The following NTM variants were observed in gnomAD, a reference collection of about 807,000 sequenced individuals.
NTM encodes the protein IgLON family member 2.
NTM carries 13 observed loss-of-function variants against 42.1 expected under a neutral mutation model. That is an observed-to-expected ratio of 0.31 (90% CI 0.20 to 0.49). The LOEUF (loss-of-function observed/expected upper bound fraction) is 0.49. Among genes scored for constraint, NTM ranks in the 20% least tolerant of loss-of-function variants. NTM has a pLI of 0.99. For missense variants in NTM, 373 were observed against 452.8 expected (o/e 0.82, Z 1.60); for synonymous variants, 187 against 179.2 (o/e 1.04, Z -0.35).
chr11:131,942,931 G>A (rs2059957357), intron 2 of NTM, among the ~76,000 whole-genome samples: 2 of 117,548 alleles, frequency 1.7e-5, no homozygotes, highest in South Asian at 2.9e-4. Context: ...GGTCAAGAGA[G>A]TGAGACCCTG....
chr11:131,998,098 C>G (rs1456225122), intron 2 of NTM, among the ~76,000 whole-genome samples: 1 of 152,124 alleles, frequency 6.6e-6, no homozygotes, highest in African/African-American at 2.4e-5. Flanking sequence ...GACTTTAAGA[C>G]AGTGGGGCCA....
At position 131,888,339 on chromosome 11, in the gene NTM, A is replaced by G. The variant is rs945536513; in HGVS notation, c.83-23225A>G. Among the ~76,000 whole-genome samples the G allele has an allele frequency of 3.3e-5, 5 of 152,074 alleles. No individual in the cohort carries two copies. The East Asian group carries it at 9.7e-4, about 30-fold the overall frequency. On this transcript the variant is annotated intron_variant, in intron 1 of 8. Transcript: ENST00000683400. ...AAGAATGAATGAGACCATGGATACC[A>G]CCCGGCCTGTTTTGGAGAGGGCATT...
intron 2 of NTM, among the ~76,000 whole-genome samples, chr11:132,141,755 C>T (rs184410764): frequency 9.8e-5 from 15 of 152,288 alleles, no homozygotes; most frequent in East Asian, 1.9e-4. Flanking sequence ...GACTGTGGCT[C>T]GGTACTGAAA....
chr11:132,269,387 C>T (rs2093371496), intron 4 of NTM, among the ~76,000 whole-genome samples: 1 of 152,152 alleles, frequency 6.6e-6, no homozygotes, highest in Non-Finnish European at 1.5e-5. Context: ...GTCATGCTTC[C>T]TGGGCTAGAC....
In NTM at chr11:132,297,982, T is replaced by G. The variant is rs1031707862; in HGVS notation, c.527-9707T>G. 4.6e-5 allele frequency among the ~76,000 whole-genome samples: 7 copies of G among 152,330 alleles called. No homozygotes were observed. The Middle Eastern group carries it at 0.017, about 370-fold the overall frequency. On this transcript the variant is annotated intron_variant, in intron 4 of 8. Coordinates refer to ENST00000683400, the MANE Select transcript of NTM (RefSeq NM_001352005.2). Reference sequence around the variant, plus strand: ...CCTACAAAATGTATTGATGGCTAAATCATAGGCTGCCCTGCTTCCCAAGGC... The same window carrying G: ...CCTACAAAATGTATTGATGGCTAAAGCATAGGCTGCCCTGCTTCCCAAGGC...
chr11:132,184,174 C>T (rs1430501996), intron 3 of NTM, among the ~76,000 whole-genome samples: 1 of 152,178 alleles, frequency 6.6e-6, no homozygotes, highest in Non-Finnish European at 1.5e-5. Flanking sequence ...GTTCCATATG[C>T]TGTGTTTACC....
chr11:131,769,411 C>A (rs1411807401), intron 1 of NTM: 2 of 159,808 alleles, frequency 1.3e-5, no homozygotes, highest in African/African-American at 2.4e-5. Flanking sequence ...AACTCCAGTG[C>A]AAAAAGATGA....
At chr11:131,586,113 CT>C (rs141108452) in intron 1 of NTM, among the ~76,000 whole-genome samples, 6 of 151,150 alleles carry the variant, frequency 4.0e-5, no homozygotes, top group South Asian at 2.1e-4. Flanking sequence ...TTAGTTTTTC[CT>C]TTTTTTTTGG....
intron 2 of NTM, among the ~76,000 whole-genome samples, chr11:132,029,061 GGT>G (rs1027342629): frequency 1.1e-4 from 3 of 26,290 alleles, no homozygotes; most frequent in South Asian, 2.5e-3. Context: ...GGTTGGTGTG[GGT>G]TTTTTTTTTT....
intron 1 of NTM, among the ~76,000 whole-genome samples, chr11:131,756,627 G>A (rs2083377623): frequency 6.6e-6 from 1 of 152,126 alleles, no homozygotes; most frequent in South Asian, 2.1e-4. Context: ...GATCCAGGCG[G>A]TGGTGAGCTG....
At chr11:131,474,294 G>A (rs1470660161) in intron 1 of NTM, among the ~76,000 whole-genome samples, 1 of 152,078 alleles carries the variant, frequency 6.6e-6, no homozygotes, top group Non-Finnish European at 1.5e-5. Context: ...AGCTCCTGTG[G>A]CCCATTCCCC....
chr11:131,982,693 A>G (rs2065440941), intron 2 of NTM, among the ~76,000 whole-genome samples: 1 of 152,180 alleles, frequency 6.6e-6, no homozygotes, highest in Non-Finnish European at 1.5e-5. Context: ...AAAAGCAGTG[A>G]TTTAGGTTGT....
At chr11:131,789,883 G>A (rs952451012) in intron 1 of NTM, among the ~76,000 whole-genome samples, 9 of 148,216 alleles carry the variant, frequency 6.1e-5, no homozygotes, top group East Asian at 2.0e-4. Flanking sequence ...GTGAACCCGG[G>A]AGGCGGAGCT....
At chr11:131,910,971 C>T (rs2054790170) in intron 1 of NTM, 4 of 997,408 alleles carry the variant, frequency 4.0e-6, no homozygotes, top group Non-Finnish European at 4.8e-6. Context: ...CTATTGTTTC[C>T]GATTGTTTTC....
rs543580511 is a variant in NTM, at chr11:131,973,709, C to T, written c.167+62061C>T. Among the ~76,000 whole-genome samples the T allele has an allele frequency of 4.6e-5, 7 of 152,222 alleles. 1 individual carries two copies. The East Asian group carries it at 5.8e-4, about 13-fold the overall frequency. On this transcript the variant is annotated intron_variant, in intron 2 of 8. Coordinates refer to ENST00000683400, the MANE Select transcript of NTM (RefSeq NM_001352005.2). ...GTGAGCGCCCGTAATCCCAGCTGCT[C>T]GGGAGGCCAAGGCAGGAGAATCGCT...
At chr11:131,428,097 T>C (rs577505879) in intron 1 of NTM, among the ~76,000 whole-genome samples, 12 of 152,340 alleles carry the variant, frequency 7.9e-5, no homozygotes, top group African/African-American at 2.4e-4. Flanking sequence ...CCATTAAACA[T>C]GTGGACTTGA....
intron 1 of NTM, among the ~76,000 whole-genome samples, chr11:131,525,109 C>T (rs574211067): frequency 8.5e-5 from 13 of 152,086 alleles, no homozygotes; most frequent in African/African-American, 7.2e-5. Flanking sequence ...CAGACCTCTA[C>T]GCTTAATCTT....
Position 132,105,829 on chromosome 11 carries a change from C to T in NTM, c.168-40453C>T, listed in dbSNP as rs76873122. Among the ~76,000 whole-genome samples the T allele has an allele frequency of 6.6e-3, 1,005 of 152,200 alleles. 9 individuals are homozygous for T. Among genetic ancestry groups the T allele is most frequent in the African/African-American group, 0.021 (891 of 41,490 alleles). On this transcript the variant is annotated intron_variant, in intron 2 of 8. Transcript: ENST00000683400. The stretch of plus-strand genomic sequence containing the variant: ...CCACCTTCACTCTAACCATCTTCTC[C>T]GTTTTAACCTAAAGATTGTTTCCAT...
chr11:131,477,350 G>A (rs145295673), intron 1 of NTM, among the ~76,000 whole-genome samples: 138 of 151,970 alleles, frequency 9.1e-4, no homozygotes, highest in African/African-American at 2.5e-3. Context: ...CCTAACTCAC[G>A]TCTCCCAACT....
Sources: allele counts gnomAD v4.1 joint callset (sites outside exome capture counted in the v4.1 genomes callset), GRCh38; gene constraint gnomAD v4.1.1; transcripts MANE v1.5; gene names NCBI Gene and HGNC (gene_info 2026-07-23, HGNC 2026-07-21).